GBE1: variants seen among roughly 807,000 people sequenced by gnomAD.
The protein encoded by GBE1 is 1,4-alpha-glucan branching enzyme 1.
Under a neutral mutation model 88.8 loss-of-function variants are expected in GBE1, and 70 were observed. The observed-to-expected ratio is 0.79, with a 90% confidence interval of 0.65 to 0.96. GBE1 has a LOEUF of 0.96. Among genes scored for constraint, GBE1 ranks in the 40% least tolerant of loss-of-function variants. GBE1 has a pLI of 0.00. For synonymous variants in GBE1, 284 were observed against 300.1 expected, an observed-to-expected ratio of 0.95 and a Z score of 0.56; for missense variants, 872 against 871.0, an observed-to-expected ratio of 1.00 and a Z score of -0.01.
intron 14 of GBE1, among the ~76,000 whole-genome samples, chr3:81,534,248 T>C (rs1209024507): frequency 2.6e-5 from 4 of 152,082 alleles, no homozygotes; most frequent in Admixed American, 6.6e-5. Context: ...CTTTAAAATG[T>C]ACTGTACATT....
rs370990319 is a variant in GBE1, at chr3:81,609,415, T to C, written c.993-15392A>G. ...TCTACATCTGTCTGTCTCTTCACCC[T>C]CAAAAACACAGCTCAAAGCCAAAAA... On this transcript the variant is annotated intron_variant, in intron 7 of 15. Coordinates refer to ENST00000429644, the MANE Select transcript of GBE1 (RefSeq NM_000158.4). Among the ~76,000 whole-genome samples the C allele has an allele frequency of 5.9e-5, 9 of 152,186 alleles. No homozygotes were observed. In the South Asian group the frequency reaches 8.3e-4, roughly 14 times the overall value.
chr3:81,491,617 A>G (rs1476868212), intron 15 of GBE1, among the ~76,000 whole-genome samples: 1 of 152,170 alleles, frequency 6.6e-6, no homozygotes, highest in African/African-American at 2.4e-5. Context: ...AGTAAAAATA[A>G]TATTGTAGAT....
chr3:81,615,463 G>T (rs892398324), intron 7 of GBE1, among the ~76,000 whole-genome samples: 7 of 152,128 alleles, frequency 4.6e-5, no homozygotes. Flanking sequence ...CTCAGCCCTG[G>T]AAAACACTAA....
chr3:81,503,409 T>C (rs1308954591), intron 14 of GBE1, among the ~76,000 whole-genome samples: 1 of 152,156 alleles, frequency 6.6e-6, no homozygotes, highest in African/African-American at 2.4e-5. Context: ...TTTAAAATTC[T>C]TGAGAAAGTG....
intron 12 of GBE1, among the ~76,000 whole-genome samples, chr3:81,543,328 G>C (rs1703166238): frequency 6.6e-6 from 1 of 152,010 alleles, no homozygotes; most frequent in South Asian, 2.1e-4. Flanking sequence ...CATTCTACAG[G>C]GTGGCTCTGA....
At chr3:81,542,561 T>C (rs1354699075) in intron 12 of GBE1, among the ~76,000 whole-genome samples, 1 of 152,128 alleles carries the variant, frequency 6.6e-6, no homozygotes, top group African/African-American at 2.4e-5. Context: ...TTTAAAAGTA[T>C]TTTTCATCAT....
At chr3:81,682,306 T>TAAC (rs1705357716) in intron 2 of GBE1, among the ~76,000 whole-genome samples, 1 of 151,616 alleles carries the variant, frequency 6.6e-6, no homozygotes, top group African/African-American at 2.4e-5. Flanking sequence ...CTACAAAAAA[T>TAAC]AACAAATTAG....
Position 81,501,996 on chromosome 3 carries a change from C to CT in GBE1, c.1935-2770dup, listed in dbSNP as rs35174865. 1.0e-2 allele frequency among the ~76,000 whole-genome samples: 1,372 copies of CT among 137,668 alleles called. 8 individuals are homozygous for CT. Among genetic ancestry groups the CT allele is most frequent in the Non-Finnish European group, 0.014 (905 of 62,694 alleles). 90.3% of individuals were successfully genotyped at this position (137,668 alleles called of 152,430 possible). On this transcript the variant is annotated intron_variant, in intron 14 of 15. Coordinates refer to ENST00000429644, the MANE Select transcript of GBE1 (RefSeq NM_000158.4). ...TTAATGAGCTACCATGCCTGGAATGCTTTTTTTTTTTTTTTCTCTTAATAA... is the reference window on the plus strand; with the variant it reads ...TTAATGAGCTACCATGCCTGGAATGCTTTTTTTTTTTTTTTTCTCTTAATAA...
chr3:81,731,770 T>C (rs1575769583), intron 1 of GBE1, among the ~76,000 whole-genome samples: 1 of 152,026 alleles, frequency 6.6e-6, no homozygotes, highest in Non-Finnish European at 1.5e-5. Context: ...CTCTTCACCT[T>C]CCGCCATGAA....
At chr3:81,676,561 A>T (rs1705254968) in intron 2 of GBE1, among the ~76,000 whole-genome samples, 1 of 152,100 alleles carries the variant, frequency 6.6e-6, no homozygotes, top group Non-Finnish European at 1.5e-5. Flanking sequence ...TAAACATAGT[A>T]TTTGAACATC....
At chr3:81,573,686 G>A (rs1376992801) in intron 12 of GBE1, among the ~76,000 whole-genome samples, 1 of 151,820 alleles carries the variant, frequency 6.6e-6, no homozygotes, top group African/African-American at 2.4e-5. Context: ...TAAATTTATA[G>A]TTTAAATTAA....
intron 7 of GBE1, among the ~76,000 whole-genome samples, chr3:81,598,651 A>T (rs1703990417): frequency 6.6e-6 from 1 of 151,938 alleles, no homozygotes; most frequent in Non-Finnish European, 1.5e-5. Context: ...AAAAGTAGTA[A>T]TTCATATCTA....
intron 12 of GBE1, among the ~76,000 whole-genome samples, chr3:81,555,204 G>T (rs933280238): frequency 6.6e-6 from 1 of 152,064 alleles, no homozygotes; most frequent in African/African-American, 2.4e-5. Flanking sequence ...GTTATGAATT[G>T]GGCTATCAAA....
intron 5 of GBE1, among the ~76,000 whole-genome samples, chr3:81,647,177 C>T (rs941858525): frequency 3.9e-5 from 6 of 151,982 alleles, no homozygotes; most frequent in Admixed American, 2.6e-4. Context: ...AGGCTGGTCT[C>T]GAACTCCTGA....
chr3:81,502,983 T>C (rs902727888), intron 14 of GBE1, among the ~76,000 whole-genome samples: 1 of 152,232 alleles, frequency 6.6e-6, no homozygotes, highest in African/African-American at 2.4e-5. Context: ...TCCCTATGCC[T>C]AGCAGAGGAC....
chr3:81,710,597 TA>T (rs1285341873), intron 1 of GBE1, among the ~76,000 whole-genome samples: 1 of 152,100 alleles, frequency 6.6e-6, no homozygotes, highest in African/African-American at 2.4e-5. Context: ...CTAATTTTTT[TA>T]ACATGTTAAT....
intron 7 of GBE1, among the ~76,000 whole-genome samples, chr3:81,625,305 G>C (rs1704397749): frequency 6.6e-6 from 1 of 152,098 alleles, no homozygotes; most frequent in Non-Finnish European, 1.5e-5. Flanking sequence ...CATTGGCTAT[G>C]ATCTTTTAAT....
At chr3:81,669,054 A>G (rs114328845) in intron 3 of GBE1, among the ~76,000 whole-genome samples, 4,305 of 152,314 alleles carry the variant, frequency 0.028, 219 homozygotes, top group African/African-American at 0.094. Context: ...ATGAATAAAT[A>G]GAACTCGGCA....
intron 14 of GBE1, among the ~76,000 whole-genome samples, chr3:81,504,271 A>AAATC (rs1702626916): frequency 6.6e-6 from 1 of 151,584 alleles, no homozygotes; most frequent in Non-Finnish European, 1.5e-5. Flanking sequence ...AAAAATAGAA[A>AAATC]AATCAGATAA....
Sources: gnomAD v4.1 joint callset for allele counts (sites outside exome capture counted in the v4.1 genomes callset) on GRCh38, gnomAD v4.1.1 for gene constraint, MANE v1.5 for transcripts, NCBI Gene and HGNC (gene_info 2026-07-23, HGNC 2026-07-21) for gene names.